RALYL: variants seen among roughly 807,000 people sequenced by gnomAD.
The protein encoded by RALYL is RNA-binding Raly-like protein.
A neutral mutation model predicts 35.1 loss-of-function variants in RALYL; 29 were observed. That is an observed-to-expected ratio of 0.83 (90% CI 0.61 to 1.13). The LOEUF is 1.13. Ranked by LOEUF, RALYL falls within the 50% of genes most tolerant of loss-of-function variation. The probability of loss-of-function intolerance (pLI) is 0.00; values close to 1 mark genes in which losing one functional copy is unlikely to be tolerated. For synonymous variants in RALYL, 120 were observed against 127.6 expected (o/e 0.94, Z 0.40); for missense variants, 359 against 360.4 (o/e 1.00, Z 0.03).
chr8:84,393,419 T>A (rs1293028503), intron 1 of RALYL, among the ~76,000 whole-genome samples: 2 of 152,016 alleles, frequency 1.3e-5, no homozygotes, highest in Admixed American at 1.3e-4. Flanking sequence ...AGGCAATAGA[T>A]GGTCAGTTAG....
At chr8:84,637,749 G>A (rs1825380771) in intron 2 of RALYL, among the ~76,000 whole-genome samples, 1 of 151,760 alleles carries the variant, frequency 6.6e-6, no homozygotes, top group African/African-American at 2.4e-5. Flanking sequence ...CTGGGTTGCT[G>A]ACTAACTGCC....
At chr8:84,886,643 A>G (rs1048030453) in intron 7 of RALYL, among the ~76,000 whole-genome samples, 4 of 152,188 alleles carry the variant, frequency 2.6e-5, no homozygotes, top group South Asian at 2.1e-4. Context: ...CGGATACCCA[A>G]CATTTCTTTG....
intron 2 of RALYL, among the ~76,000 whole-genome samples, chr8:84,593,819 A>G (rs994754503): frequency 2.6e-5 from 4 of 152,044 alleles, no homozygotes; most frequent in African/African-American, 9.7e-5. Flanking sequence ...CAAAGTGAAC[A>G]ATTACCTCCA....
intron 1 of RALYL, among the ~76,000 whole-genome samples, chr8:84,406,176 TAAG>T (rs201950704): frequency 6.6e-6 from 1 of 152,280 alleles, no homozygotes; most frequent in East Asian, 1.9e-4. Flanking sequence ...TTACATTTCC[TAAG>T]ACATCTTCAG....
chr8:84,735,213 A>G (rs535179544), intron 2 of RALYL, among the ~76,000 whole-genome samples: 13 of 151,972 alleles, frequency 8.6e-5, no homozygotes, highest in African/African-American at 3.1e-4. Flanking sequence ...AATTCTTGAC[A>G]CTTATTCCTC....
intron 2 of RALYL, among the ~76,000 whole-genome samples, chr8:84,604,314 C>T (rs1588457114): frequency 6.6e-6 from 1 of 152,064 alleles, no homozygotes; most frequent in Non-Finnish European, 1.5e-5. Flanking sequence ...AGAAAGACCT[C>T]GATTTTGGCT....
chr8:84,534,917 C>G (rs2059498993), intron 2 of RALYL, among the ~76,000 whole-genome samples: 3 of 152,120 alleles, frequency 2.0e-5, no homozygotes. Context: ...ATAATCCAAT[C>G]TTTAATAAGC....
intron 2 of RALYL, among the ~76,000 whole-genome samples, chr8:84,757,192 G>T (rs1811630404): frequency 6.6e-6 from 1 of 152,062 alleles, no homozygotes; most frequent in Admixed American, 6.6e-5. Context: ...ATTATCTGCT[G>T]TTAATTAAAC....
chr8:84,184,744 C>T, intron 1 of RALYL: 2 of 400,576 alleles, frequency 5.0e-6, no homozygotes, highest in Non-Finnish European at 8.8e-6. Context: ...GGGCACTAGG[C>T]GGCCGGCGGG....
At chr8:84,558,085 A>G (rs1381529164) in intron 2 of RALYL, among the ~76,000 whole-genome samples, 1 of 152,188 alleles carries the variant, frequency 6.6e-6, no homozygotes, top group African/African-American at 2.4e-5. Flanking sequence ...ATAGTTGCTT[A>G]AATTATAAGT....
intron 2 of RALYL, among the ~76,000 whole-genome samples, chr8:84,665,333 T>C (rs183045412): frequency 9.5e-4 from 145 of 152,206 alleles, no homozygotes; most frequent in African/African-American, 3.2e-3. Flanking sequence ...TCTGGCCTCA[T>C]AGAATGAGTT....
chr8:84,901,215 TA>T (rs1401999069), intron 8 of RALYL, among the ~76,000 whole-genome samples: 1 of 152,148 alleles, frequency 6.6e-6, no homozygotes, highest in Admixed American at 6.6e-5. Flanking sequence ...TTTTCTAAAG[TA>T]AATGCTCTAA....
rs1856071710 is a variant in RALYL, at chr8:84,372,886, G to GTTTTTTTTTTTTTGTTTTGTTT, written c.-23-156400_-23-156399insGTTTTGTTTTTTTTTTTTTTTT. On this transcript the variant is annotated intron_variant, in intron 1 of 8. Coordinates refer to ENST00000521268, the MANE Select transcript of RALYL (RefSeq NM_173848.7). ...TTTCTCCACAACCATGCCAGCATCTGTTTTTTTTTTTTTTTTTTTTTTTTT... is the reference window on the plus strand; with the variant it reads ...TTTCTCCACAACCATGCCAGCATCTGTTTTTTTTTTTTTGTTTTGTTTTTTTTTTTTTTTTTTTTTTTTTTTT... Among the ~76,000 whole-genome samples the GTTTTTTTTTTTTTGTTTTGTTT allele has an allele frequency of 4.2e-3, 163 of 39,058 alleles. 3 individuals are homozygous for GTTTTTTTTTTTTTGTTTTGTTT. Among genetic ancestry groups the GTTTTTTTTTTTTTGTTTTGTTT allele is most frequent in the Non-Finnish European group, 5.7e-3 (125 of 22,008 alleles). 25.6% of individuals were successfully genotyped at this position (39,058 alleles called of 152,430 possible).
chr8:84,826,094 T>G (rs1338209062), intron 4 of RALYL, among the ~76,000 whole-genome samples: 1 of 151,882 alleles, frequency 6.6e-6, no homozygotes, highest in African/African-American at 2.4e-5. Context: ...AACAAGGAGC[T>G]AAACATTGGC....
At chr8:84,626,043 A>G (rs1483104703) in intron 2 of RALYL, among the ~76,000 whole-genome samples, 8 of 152,206 alleles carry the variant, frequency 5.3e-5, no homozygotes, top group African/African-American at 1.9e-4. Flanking sequence ...GCAAAGAAAA[A>G]AAAGGCTGAA....
chr8:84,730,439 G>A (rs1845933826), intron 2 of RALYL, among the ~76,000 whole-genome samples: 1 of 152,084 alleles, frequency 6.6e-6, no homozygotes, highest in African/African-American at 2.4e-5. Flanking sequence ...TACTGAATGG[G>A]CAAAAACTGG....
chr8:84,332,094 T>C (rs1379157396), intron 1 of RALYL, among the ~76,000 whole-genome samples: 1 of 152,156 alleles, frequency 6.6e-6, no homozygotes, highest in African/African-American at 2.4e-5. Context: ...TTACAGGATT[T>C]TAATTTTCTC....
intron 2 of RALYL, among the ~76,000 whole-genome samples, chr8:84,577,412 CTG>C (rs1018635121): frequency 1.3e-5 from 2 of 152,122 alleles, no homozygotes; most frequent in African/African-American, 4.8e-5. Flanking sequence ...AAAGAAAAGA[CTG>C]TGTTTGCTGG....
At chr8:84,617,602 TG>T (rs1439304583) in intron 2 of RALYL, among the ~76,000 whole-genome samples, 3 of 149,058 alleles carry the variant, frequency 2.0e-5, no homozygotes, top group East Asian at 1.9e-4. Flanking sequence ...CCTGCCTAAT[TG>T]CCCTGGCCAG....
Sources: allele counts gnomAD v4.1 joint callset (sites outside exome capture counted in the v4.1 genomes callset), GRCh38; gene constraint gnomAD v4.1.1; transcripts MANE v1.5; gene names NCBI Gene and HGNC (gene_info 2026-07-23, HGNC 2026-07-21).